The following NF1 variants were observed in gnomAD, a reference collection of about 807,000 sequenced individuals.
NF1 encodes neurofibromin.
In NF1, 122 loss-of-function variants were observed where a neutral mutation model predicts 325.7. The ratio of observed to expected loss-of-function variants is 0.37; its 90% CI spans 0.32 to 0.44. NF1 has a LOEUF of 0.44. Among genes scored for constraint, NF1 ranks in the 20% least tolerant of loss-of-function variants. NF1 has a pLI of 1.00. For synonymous variants in NF1, 1,091 were observed against 1,186.0 expected, an observed-to-expected ratio of 0.92 and a Z score of 1.65; for missense variants, 2,140 against 3,415.4, an observed-to-expected ratio of 0.63 and a Z score of 9.31.
rs1483311407 is a variant in NF1, at chr17:31,248,997, G to C, written c.3988G>C (p.Glu1330Gln). The C allele has an allele frequency of 6.2e-7, 1 of 1,613,978 alleles. No individual in the cohort carries two copies. Among genetic ancestry groups the C allele is most frequent in the Non-Finnish European group, 8.5e-7 (1 of 1,179,984 alleles). Residue 1330 changes from glutamate to glutamine, a missense_variant, in exon 30 of 58, where the codon GAG (glutamate) becomes CAG (glutamine). This residue lies in a region of NF1 where 336 missense variants were observed against 399.0 expected (regional missense o/e 0.84). Transcript: ENST00000358273. ...EVDPTRLEPS[E>Q]SLEENQRNLL... ...ATTTTTTTGTAGGTTAGAACCATCA[G>C]AGAGCCTTGAGGAAAACCAGCGGAA...
chr17:31,116,899 G>A (rs1327114431), intron 1 of NF1, among the ~76,000 whole-genome samples: 1 of 150,906 alleles, frequency 6.6e-6, no homozygotes, highest in Non-Finnish European at 1.5e-5. Flanking sequence ...GGATGGTCTC[G>A]ATCTCCTGAC....
At chr17:31,325,523 G>A (rs143597072) in intron 36 of NF1, among the ~76,000 whole-genome samples, 1 of 152,156 alleles carries the variant, frequency 6.6e-6, no homozygotes. Context: ...AAGGAGTTTG[G>A]TGGGCCCTGC....
intron 1 of NF1, among the ~76,000 whole-genome samples, chr17:31,099,944 C>T (rs1014724364): frequency 1.3e-5 from 2 of 151,292 alleles, no homozygotes; most frequent in Non-Finnish European, 2.9e-5. Context: ...TTCTGTATGC[C>T]CCACTGGTTC....
intron 4 of NF1, among the ~76,000 whole-genome samples, chr17:31,166,659 T>A (rs1351315677): frequency 6.6e-6 from 1 of 152,184 alleles, no homozygotes; most frequent in Non-Finnish European, 1.5e-5. Flanking sequence ...GTTAAGCTTC[T>A]TTGTGCTGGT....
In NF1 at chr17:31,322,234, G is replaced by A. The variant is rs550260598; in HGVS notation, c.4836-3586G>A. Among the ~76,000 whole-genome samples, 16 of 151,988 alleles carry A rather than the reference G, an allele frequency of 1.1e-4. No homozygotes were observed. The South Asian group carries it at 3.3e-3, about 32-fold the overall frequency. On this transcript the variant is annotated intron_variant, in intron 36 of 57. Transcript: ENST00000358273. Reference sequence around the variant, plus strand: ...TGGCTCACACCTGTAATCCCAGCACGTTGGGAGGGTTGACGCAGGCAGATC... The same window carrying A: ...TGGCTCACACCTGTAATCCCAGCACATTGGGAGGGTTGACGCAGGCAGATC...
At chr17:31,236,950 C>G (rs1385058026) in intron 29 of NF1, among the ~76,000 whole-genome samples, 2 of 152,174 alleles carry the variant, frequency 1.3e-5, no homozygotes, top group African/African-American at 4.8e-5. Context: ...GAATATTTAG[C>G]ATGGTGTCTG....
intron 1 of NF1, among the ~76,000 whole-genome samples, chr17:31,114,861 GA>G (rs1294289177): frequency 6.6e-6 from 1 of 151,882 alleles, no homozygotes; most frequent in Non-Finnish European, 1.5e-5. Context: ...CTCAAAAAAA[GA>G]AAAAAAAGAA....
chr17:31,248,220 C>CCCCAA (rs2067432337), intron 29 of NF1, among the ~76,000 whole-genome samples: 2 of 126,194 alleles, frequency 1.6e-5, no homozygotes, highest in African/African-American at 6.1e-5. Flanking sequence ...CACCCCCCAC[C>CCCCAA]AAAAAAAAAA....
intron 36 of NF1, among the ~76,000 whole-genome samples, chr17:31,289,716 A>G (rs2151493150): frequency 6.6e-6 from 1 of 152,222 alleles, no homozygotes; most frequent in African/African-American, 2.4e-5. Flanking sequence ...AATGGTGGAT[A>G]TTTATTGTTG....
intron 27 of NF1, among the ~76,000 whole-genome samples, chr17:31,235,235 T>C (rs1463448743): frequency 1.3e-5 from 2 of 152,242 alleles, no homozygotes; most frequent in East Asian, 1.9e-4. Context: ...ATCAATCTTA[T>C]TTCTGCTCTG....
rs1304800176 is a variant in NF1 at position 31,360,588 on chromosome 17, C to T, written c.8262C>T (p.Ser2754=). Reference sequence around the variant, plus strand: ...TTGATGAAGAAACCAGTGAAGAATCCCTCCTGACTCCCACATCTCCTTACC... The same window carrying T: ...TTGATGAAGAAACCAGTGAAGAATCTCTCCTGACTCCCACATCTCCTTACC... ...PGIDEETSEE[S]LLTPTSPYPP... The change falls in exon 57 of 58, where the codon TCC becomes TCT. Residue 2754 remains serine (S), a synonymous_variant. Transcript: ENST00000358273. The T allele has an allele frequency of 6.2e-7, 1 of 1,613,820 alleles. No individual in the cohort carries two copies. The highest frequency in any genetic ancestry group is 8.5e-7 in the Non-Finnish European group (1 of 1,179,930).
At chr17:31,309,783 C>T (rs2068819870) in intron 36 of NF1, among the ~76,000 whole-genome samples, 1 of 152,202 alleles carries the variant, frequency 6.6e-6, no homozygotes, top group Non-Finnish European at 1.5e-5. Context: ...GGCTCCTATC[C>T]TCTACTGTCA....
intron 30 of NF1, chr17:31,251,391 T>G (rs1027847327): frequency 2.5e-5 from 5 of 201,434 alleles, no homozygotes; most frequent in Non-Finnish European, 5.1e-5. Context: ...TTTCAAATCA[T>G]GTGTTAACCA....
In NF1 at chr17:31,318,245, C is replaced by G. The variant is rs868721544; in HGVS notation, c.4836-7575C>G. 3 of 1,533,896 alleles carry G rather than the reference C, an allele frequency of 2.0e-6. No homozygotes were observed. In the Middle Eastern group the frequency reaches 5.9e-4, roughly 304 times the overall value. ...AGAACAACACTTTGGGATTAAATACCAACTGACTTCATTTTTACTCCATAA... is the reference window on the plus strand; with the variant it reads ...AGAACAACACTTTGGGATTAAATACGAACTGACTTCATTTTTACTCCATAA... On this transcript the variant is annotated intron_variant, in intron 36 of 57. Coordinates refer to ENST00000358273, the MANE Select transcript of NF1 (RefSeq NM_001042492.3).
chr17:31,235,896 T>C (rs1597722824), intron 28 of NF1, 22 bp from the exon 29 acceptor site: 1 of 1,609,490 alleles, frequency 6.2e-7, no homozygotes, highest in Non-Finnish European at 8.5e-7. Context: ...TATAATAAAC[T>C]CCTATTCGTG....
At chr17:31,296,172 G>T (rs764933380) in intron 36 of NF1, 4 of 1,612,720 alleles carry the variant, frequency 2.5e-6, no homozygotes, top group Non-Finnish European at 3.4e-6. Context: ...ATATTCTCTT[G>T]CAGTCCAGAT....
intron 1 of NF1, among the ~76,000 whole-genome samples, chr17:31,141,884 A>G (rs1916242582): frequency 6.6e-6 from 1 of 152,092 alleles, no homozygotes; most frequent in Non-Finnish European, 1.5e-5. Context: ...TATGTTTGTT[A>G]CCTGGTGTCT....
At chr17:31,273,055 A>G (rs2067933531) in intron 36 of NF1, among the ~76,000 whole-genome samples, 1 of 152,174 alleles carries the variant, frequency 6.6e-6, no homozygotes, top group African/African-American at 2.4e-5. Flanking sequence ...CTAGACATTC[A>G]ATGCAATAAA....
chr17:31,261,250 TAA>T (rs201312670), intron 34 of NF1, among the ~76,000 whole-genome samples: 30 of 138,790 alleles, frequency 2.2e-4, no homozygotes, highest in East Asian at 6.2e-4. Flanking sequence ...TCTCAGAAAT[TAA>T]AAAAAAAAAA....
Sources: allele counts gnomAD v4.1 joint callset (sites outside exome capture counted in the v4.1 genomes callset), GRCh38; gene constraint gnomAD v4.1.1; regional missense constraint gnomAD v4.1.1; transcripts MANE v1.5; gene names NCBI Gene and HGNC (gene_info 2026-07-23, HGNC 2026-07-21).